Variants in GAREM1 observed in about 807,000 individuals in gnomAD.
The protein encoded by GAREM1 is GRB2-associated and regulator of MAPK protein 1.
GAREM1 carries 26 observed loss-of-function variants against 71.3 expected under a neutral mutation model. The ratio of observed to expected loss-of-function variants is 0.36; its 90% CI spans 0.27 to 0.51. The LOEUF (loss-of-function observed/expected upper bound fraction) is 0.51. GAREM1 is among the 20% of genes least tolerant of loss of function. The probability of loss-of-function intolerance (pLI) is 0.95; values close to 1 mark genes in which losing one functional copy is unlikely to be tolerated. For missense variants in GAREM1, 1,026 were observed against 1,103.1 expected, an observed-to-expected ratio of 0.93 and a Z score of 0.99; for synonymous variants, 440 against 433.2, an observed-to-expected ratio of 1.02 and a Z score of -0.20.
chr18:32,371,151 G>A (rs550277562), intron 2 of GAREM1, among the ~76,000 whole-genome samples: 39 of 152,136 alleles, frequency 2.6e-4, no homozygotes, highest in African/African-American at 7.2e-4. Flanking sequence ...AAGGAAGGAC[G>A]TGGAGGTGAC....
intron 1 of GAREM1, among the ~76,000 whole-genome samples, chr18:32,434,608 G>A (rs2048657111): frequency 6.6e-6 from 1 of 151,764 alleles, no homozygotes; most frequent in Admixed American, 6.6e-5. Flanking sequence ...TAAACCAAAA[G>A]AATAAAATAT....
rs1023951927 is a variant in GAREM1, at chr18:32,413,227, G to C, written c.122-20192C>G. 6 of 1,603,568 alleles carry C rather than the reference G, an allele frequency of 3.7e-6. No individual in the cohort carries two copies. In the African/African-American group the frequency reaches 8.0e-5, roughly 21 times the overall value. On this transcript the variant is annotated intron_variant, in intron 1 of 5. Coordinates refer to ENST00000269209, the MANE Select transcript of GAREM1 (RefSeq NM_001242409.2). The stretch of plus-strand genomic sequence containing the variant: ...ACGATGCTTCTTCGGCGGCGTCCAC[G>C]GGCAGAAAGGCCAGAAAAATATTTC...
chr18:32,358,245 T>C (rs577989029), intron 2 of GAREM1, among the ~76,000 whole-genome samples: 1 of 151,452 alleles, frequency 6.6e-6, no homozygotes, highest in Non-Finnish European at 1.5e-5. Flanking sequence ...ATCTCACAGG[T>C]GGGACTCCCA....
At chr18:32,309,090 T>G (rs2047287589) in intron 3 of GAREM1, among the ~76,000 whole-genome samples, 1 of 150,244 alleles carries the variant, frequency 6.7e-6, no homozygotes, top group African/African-American at 2.5e-5. Context: ...AAAATGTGAT[T>G]TAGGTGGACT....
intron 1 of GAREM1, among the ~76,000 whole-genome samples, chr18:32,457,797 G>A (rs1337450128): frequency 2.0e-5 from 3 of 152,074 alleles, no homozygotes; most frequent in African/African-American, 7.2e-5. Context: ...TAGGGTACAC[G>A]TGCACAACGT....
chr18:32,470,455 TC>T lies in GAREM1; in HGVS notation c.-28del, dbSNP rs1189313977. ...TTCCCCGAAGCCTCCTGTCCCGCGC[TC>T]CCCCGCCGCCGCCACCGGCACCACC... On this transcript the variant is annotated 5_prime_UTR_variant, in exon 1 of 6. Transcript: ENST00000269209. This position sits in a 1 kb window ranked among gnomAD's most constrained non-coding sequence, Gnocchi z 4.4. The T allele has an allele frequency of 2.1e-5, 27 of 1,304,940 alleles. No individual in the cohort carries two copies. Among genetic ancestry groups the T allele is most frequent in the South Asian group, 1.7e-4 (7 of 41,066 alleles). The allele number at this position is 1,304,940 out of a possible 1,614,324, so 80.8% of individuals were successfully genotyped here.
chr18:32,317,108 T>G (rs913752316), intron 2 of GAREM1, among the ~76,000 whole-genome samples: 4 of 151,980 alleles, frequency 2.6e-5, no homozygotes, highest in African/African-American at 9.7e-5. Context: ...AGACAAGACA[T>G]TAGAAGTGAG....
Position 32,287,148 on chromosome 18 carries a change from A to G in GAREM1, c.1449T>C (p.Gly483=). Residue 483 remains glycine, a synonymous_variant, in exon 4 of 6, where the codon GGT becomes GGC. Transcript: ENST00000269209. The surrounding 1 kb of genome is among the most constrained non-coding windows in gnomAD (Gnocchi z 5.9). ...AAGTCGCACATTTGGATCGGACAGA[A>G]CCTCTAAACTGATCACATCTGTTCT... ...SEKNRCDQFR[G]SVRSKCATSP... 1 of 1,614,230 alleles carries G rather than the reference A, an allele frequency of 6.2e-7. No homozygotes were observed. The highest frequency in any genetic ancestry group is 1.1e-5 in the South Asian group (1 of 91,092).
chr18:32,326,714 C>T (rs148139128), intron 2 of GAREM1, among the ~76,000 whole-genome samples: 32 of 152,360 alleles, frequency 2.1e-4, no homozygotes, highest in African/African-American at 6.7e-4. Context: ...TGACAAAATG[C>T]CCCTGCTCTT....
At chr18:32,398,021 C>A (rs375082534) in intron 1 of GAREM1, among the ~76,000 whole-genome samples, 2 of 152,090 alleles carry the variant, frequency 1.3e-5, no homozygotes, top group South Asian at 4.1e-4. Flanking sequence ...CACTCAAAAC[C>A]GCTCAACTAC....
At chr18:32,381,928 A>G (rs2048101785) in intron 2 of GAREM1, among the ~76,000 whole-genome samples, 1 of 152,174 alleles carries the variant, frequency 6.6e-6, no homozygotes, top group Admixed American at 6.5e-5. Flanking sequence ...ACTCCTAGAC[A>G]GCTGTCAGAA....
At chr18:32,386,281 T>G (rs966587455) in intron 2 of GAREM1, among the ~76,000 whole-genome samples, 1 of 152,220 alleles carries the variant, frequency 6.6e-6, no homozygotes, top group Admixed American at 6.5e-5. Flanking sequence ...GTTCAGTAAT[T>G]ACAATTCAAG....
At chr18:32,334,608 T>C (rs1018807091) in intron 2 of GAREM1, among the ~76,000 whole-genome samples, 25 of 152,174 alleles carry the variant, frequency 1.6e-4, no homozygotes, top group Non-Finnish European at 3.4e-4. Flanking sequence ...TAGTAAAAGA[T>C]GGTGTACTTT....
chr18:32,349,718 G>A (rs1374933740), intron 2 of GAREM1, among the ~76,000 whole-genome samples: 1 of 152,130 alleles, frequency 6.6e-6, no homozygotes. Context: ...TAAACTTTTG[G>A]TCATTCTGTA....
intron 2 of GAREM1, among the ~76,000 whole-genome samples, chr18:32,323,789 T>C (rs28405812): frequency 0.048 from 7,371 of 152,196 alleles, 605 homozygotes; most frequent in African/African-American, 0.16. Flanking sequence ...TGGAGAAATA[T>C]AAAATGATTC....
chr18:32,424,446 TA>T (rs1403623765), intron 1 of GAREM1, among the ~76,000 whole-genome samples: 5 of 152,118 alleles, frequency 3.3e-5, no homozygotes, highest in Admixed American at 2.0e-4. Context: ...TAGGATAAGA[TA>T]AAAGTCAAAG....
At position 32,302,959 on chromosome 18, in the gene GAREM1, T is replaced by C. The variant is rs187678070; in HGVS notation, c.393+7234A>G. On this transcript the variant is annotated intron_variant, in intron 3 of 5. Transcript: ENST00000269209. ...TGCCAAAGCAGTAATCAGAAGCTGA[T>C]AGGCTGATGACAAGGCTGTCACCTC... Among the ~76,000 whole-genome samples the C allele has an allele frequency of 6.4e-4, 97 of 152,278 alleles. 1 individual carries two copies. In the East Asian group the frequency reaches 0.014, roughly 22 times the overall value.
At chr18:32,437,593 AG>A (rs35777994) in intron 1 of GAREM1, among the ~76,000 whole-genome samples, 6 of 152,184 alleles carry the variant, frequency 3.9e-5, no homozygotes, top group Admixed American at 2.0e-4. Context: ...ATGAACAGCA[AG>A]GATGATGATT....
At chr18:32,344,053 T>C (rs1166921250) in intron 2 of GAREM1, among the ~76,000 whole-genome samples, 1 of 152,210 alleles carries the variant, frequency 6.6e-6, no homozygotes, top group Non-Finnish European at 1.5e-5. Flanking sequence ...TATCCTATTC[T>C]GGTCTCCTCC....
Sources: allele counts gnomAD v4.1 joint callset (sites outside exome capture counted in the v4.1 genomes callset), GRCh38; gene constraint gnomAD v4.1.1; non-coding constraint Gnocchi (gnomAD v3.1); transcripts MANE v1.5; gene names NCBI Gene and HGNC (gene_info 2026-07-23, HGNC 2026-07-21).